The following CDC42BPG variants were observed in gnomAD, a reference collection of about 807,000 sequenced individuals.
The protein encoded by CDC42BPG is serine/threonine-protein kinase MRCK gamma.
In CDC42BPG, 157 loss-of-function variants were observed where a neutral mutation model predicts 192.2. The observed-to-expected ratio is 0.82, with a 90% CI of 0.72 to 0.93. The LOEUF is 0.93. CDC42BPG is among the 40% of genes least tolerant of loss of function. The probability of loss-of-function intolerance (pLI) is 0.00; values close to 1 mark genes in which losing one functional copy is unlikely to be tolerated. For synonymous variants in CDC42BPG, 981 were observed against 918.5 expected (o/e 1.07, Z -1.23); for missense variants, 1,992 against 2,122.1 (o/e 0.94, Z 1.20).
chr11:64,833,432 T>C, intron 23 of CDC42BPG, 96 bp from the exon 24 acceptor site: 1 of 957,704 alleles, frequency 1.0e-6, no homozygotes, highest in Non-Finnish European at 1.5e-6. Flanking sequence ...CAGGCAACAG[T>C]GACCTCCGAG....
At chr11:64,831,885 C>T (rs1942710671) in intron 27 of CDC42BPG, among the ~76,000 whole-genome samples, 164 bp from the exon 28 acceptor site, 1 of 152,252 alleles carries the variant, frequency 6.6e-6, no homozygotes, top group Non-Finnish European at 1.5e-5. Flanking sequence ...ATGCGACCAG[C>T]GCCATAATGG....
intron 31 of CDC42BPG, 32 bp downstream of exon 31, chr11:64,827,653 CG>C: frequency 6.2e-7 from 1 of 1,605,180 alleles, no homozygotes; most frequent in Non-Finnish European, 8.5e-7. Context: ...CCTCCACCCC[CG>C]GCGCTACCCC....
intron 9 of CDC42BPG, 69 bp from the exon 10 acceptor site, chr11:64,837,088 G>A: frequency 1.6e-6 from 2 of 1,277,118 alleles, no homozygotes; most frequent in Non-Finnish European, 1.1e-6. Flanking sequence ...CATCCTCCTG[G>A]ACCGAATCAC....
intron 30 of CDC42BPG, among the ~76,000 whole-genome samples, chr11:64,828,113 T>C (rs1317921620): frequency 6.6e-6 from 1 of 152,160 alleles, no homozygotes; most frequent in African/African-American, 2.4e-5. Flanking sequence ...ACTCAGCTGG[T>C]CCTGAGAGCT....
Position 64,827,027 on chromosome 11 carries a change from G to C in CDC42BPG, c.4389+23C>G, listed in dbSNP as rs769051055. 4 of 1,489,788 alleles carry C rather than the reference G, an allele frequency of 2.7e-6. No individual in the cohort carries two copies. The South Asian group carries it at 3.6e-5, about 13-fold the overall frequency. 92.3% of individuals were successfully genotyped at this position (1,489,788 alleles called of 1,614,324 possible). A position where few individuals can be genotyped will look rare whatever the true frequency, so the allele number is the denominator to read the frequency against. ...TGGCTCAGCCTCACCAAAGTGGCTT[G>C]TGATTGGCTCCAGAGGACTAACCGG... On this transcript the variant is annotated intron_variant, in intron 34 of 36. Coordinates refer to ENST00000342711, the MANE Select transcript of CDC42BPG (RefSeq NM_017525.3).
At position 64,832,811 on chromosome 11, in the gene CDC42BPG, T is replaced by A; in HGVS notation, c.2865+15A>T. 1 of 1,587,982 alleles carries A rather than the reference T, an allele frequency of 6.3e-7. No individual in the cohort carries two copies. The highest frequency in any genetic ancestry group is 8.6e-7 in the Non-Finnish European group (1 of 1,167,510). On this transcript the variant is annotated intron_variant, in intron 25 of 36. Coordinates refer to ENST00000342711, the MANE Select transcript of CDC42BPG (RefSeq NM_017525.3). ...CCCCCCATGCCCATCTTCCCCTCCC[T>A]CGGCCCCCACTCACCGACAGAAAGC...
At chr11:64,834,786 C>T (rs1942893260) in intron 18 of CDC42BPG, 63 bp downstream of exon 18, 1 of 1,495,188 alleles carries the variant, frequency 6.7e-7, no homozygotes, top group Non-Finnish European at 9.2e-7. Flanking sequence ...AGCAGGGATG[C>T]TGAGCTCACG....
Position 64,832,928 on chromosome 11 carries a change from G to A in CDC42BPG, c.2763C>T (p.Ala921=). ...ACGYFCHTTC[A]PQAPPCPVPP... is the part of the protein sequence containing the mutation. ...GCACGGGGCAGGGTGGGGCCTGTGG[G>A]GCACAGGTTGTGTGACAAAAGTAGC... Residue 921 remains alanine, a synonymous_variant, in exon 25 of 37, where the codon GCC becomes GCT. Coordinates refer to ENST00000342711, the MANE Select transcript of CDC42BPG (RefSeq NM_017525.3). 1.9e-6 allele frequency: 3 copies of A among 1,541,990 alleles called. No individual in the cohort carries two copies. Among genetic ancestry groups the A allele is most frequent in the Non-Finnish European group, 2.6e-6 (3 of 1,143,770 alleles).
Position 64,844,578 on chromosome 11 carries a change from C to A in CDC42BPG, c.-9G>T. The A allele has an allele frequency of 7.9e-7, 1 of 1,263,904 alleles. No homozygotes were observed. Among genetic ancestry groups the A allele is most frequent in the Non-Finnish European group, 9.9e-7 (1 of 1,005,076 alleles). 78.3% of individuals were successfully genotyped at this position (1,263,904 alleles called of 1,614,324 possible). A position where few individuals can be genotyped will look rare whatever the true frequency, so the allele number is the denominator to read the frequency against. ...CGCAGCCGCCGCTCCATGGCTGCGGCCGGAGCCTCGCTGCTCGGCTACAGT... is the reference window on the plus strand; with the variant it reads ...CGCAGCCGCCGCTCCATGGCTGCGGACGGAGCCTCGCTGCTCGGCTACAGT... On this transcript the variant is annotated 5_prime_UTR_variant, in exon 1 of 37. Transcript: ENST00000342711.
chr11:64,843,420 C>G (rs1943368119), intron 1 of CDC42BPG, among the ~76,000 whole-genome samples: 1 of 152,102 alleles, frequency 6.6e-6, no homozygotes. Flanking sequence ...GCAGGGGCCT[C>G]TGACTGCCTC....
intron 28 of CDC42BPG, among the ~76,000 whole-genome samples, 198 bp downstream of exon 28, chr11:64,831,307 T>C (rs1592693479): frequency 6.6e-6 from 1 of 151,160 alleles, no homozygotes; most frequent in Non-Finnish European, 1.5e-5. Context: ...CACAGCGAAA[T>C]GGAGTGGGGA....
Position 64,836,705 on chromosome 11 carries a change from C to CCGGGGGGGGGGGG in CDC42BPG, c.1384+33_1384+34insCCCCCCCCCCCCG. On this transcript the variant is annotated intron_variant, in intron 11 of 36. Coordinates refer to ENST00000342711, the MANE Select transcript of CDC42BPG (RefSeq NM_017525.3). Reference sequence around the variant, plus strand: ...ACCCGAGCCCAGGTGGGACTCAGCCCTGGGGGGGGGGGGGGGGTGGGCGGA... The same window carrying CCGGGGGGGGGGGG: ...ACCCGAGCCCAGGTGGGACTCAGCCCCGGGGGGGGGGGGTGGGGGGGGGGGGGGGGTGGGCGGA... 7.8e-4 allele frequency: 275 copies of CCGGGGGGGGGGGG among 352,386 alleles called. 65 individuals are homozygous for CCGGGGGGGGGGGG. Among genetic ancestry groups the CCGGGGGGGGGGGG allele is most frequent in the Admixed American group, 1.8e-3 (20 of 11,272 alleles). The allele number at this position is 352,386 out of a possible 1,614,324, so 21.8% of individuals were successfully genotyped here. A position where few individuals can be genotyped will look rare whatever the true frequency, so the allele number is the denominator to read the frequency against.
At position 64,824,482 on chromosome 11, in the gene CDC42BPG, G is replaced by C. The variant is rs909119758; in HGVS notation, c.4647C>G (p.Ser1549Arg). The change falls in exon 37 of 37, where the codon AGC becomes AGG. Residue 1549 changes from serine to arginine, a missense_variant. By Grantham distance (110) the Ser-to-Arg change is moderately radical. Around this residue, in one of 2 missense-constraint regions of CDC42BPG, gnomAD observed 336 missense variants for 277.9 expected, o/e 1.21. Transcript: ENST00000342711. Reference sequence around the variant, plus strand: ...GCCCTAACAGAGGGCATCAAGGAGAGCTCTCCAATTCAGGGGATAGGGGGA... The same window carrying C: ...GCCCTAACAGAGGGCATCAAGGAGACCTCTCCAATTCAGGGGATAGGGGGA... ...RSLPLSPELE[S>R]SP 1 of 1,602,404 alleles carries C rather than the reference G, an allele frequency of 6.2e-7. No individual in the cohort carries two copies. The highest frequency in any genetic ancestry group is 1.3e-5 in the African/African-American group (1 of 74,744).
chr11:64,838,216 C>G (rs772309725), intron 8 of CDC42BPG, 54 bp from the exon 9 acceptor site: 10 of 1,357,270 alleles, frequency 7.4e-6, no homozygotes, highest in Non-Finnish European at 9.1e-6. Flanking sequence ...GCCCGAGGCC[C>G]AAGGCCCAGG....
At position 64,825,601 on chromosome 11, in the gene CDC42BPG, C is replaced by T. The variant is rs966819156; in HGVS notation, c.4599+869G>A. Among the ~76,000 whole-genome samples the T allele has an allele frequency of 3.0e-4, 46 of 152,186 alleles. 1 individual carries two copies. Among genetic ancestry groups the T allele is most frequent in the South Asian group, 6.2e-4 (3 of 4,830 alleles). ...GAAGAACATGGCAAGCCCCAGGGCT[C>T]CAAGTGGCCTGGTGTGACGGGAGTG... On this transcript the variant is annotated intron_variant, in intron 36 of 36. Coordinates refer to ENST00000342711, the MANE Select transcript of CDC42BPG (RefSeq NM_017525.3).
intron 24 of CDC42BPG, 37 bp from the exon 25 acceptor site, chr11:64,832,996 TG>T: frequency 6.7e-7 from 1 of 1,499,868 alleles, no homozygotes; most frequent in Non-Finnish European, 8.9e-7. Context: ...GAGGTGAGGC[TG>T]GGAGGGGACA....
intron 9 of CDC42BPG, 137 bp from the exon 10 acceptor site, chr11:64,837,156 C>T (rs1315980387): frequency 4.1e-6 from 3 of 732,672 alleles, no homozygotes; most frequent in Non-Finnish European, 7.0e-6. Context: ...CAGACTGGTG[C>T]CACGGGTGGC....
chr11:64,827,551 T>G lies in CDC42BPG; in HGVS notation c.4126A>C (p.Thr1376Pro), dbSNP rs1592683598. ...FLYGTEKVRLTYLRNQLAEKD... is the reference protein window; with the variant it reads ...FLYGTEKVRLPYLRNQLAEKD... Reference sequence around the variant, plus strand: ...CCTGCCAGCTGGTTCCTGAGGTAGGTCAGGCGGACCTTCTCGGTGCCGTAG... The same window carrying G: ...CCTGCCAGCTGGTTCCTGAGGTAGGGCAGGCGGACCTTCTCGGTGCCGTAG... Residue 1376 changes from threonine (T) to proline (P), a missense_variant, in exon 32 of 37, where the codon ACC becomes CCC. Physicochemically the swap from Thr to Pro is conservative, Grantham distance 38. Transcript: ENST00000342711. The G allele has an allele frequency of 6.2e-7, 1 of 1,612,440 alleles. No homozygotes were observed.
Position 64,844,433 on chromosome 11 carries a change from C to G in CDC42BPG, c.137G>C (p.Ser46Thr). 5 of 1,458,834 alleles carry G rather than the reference C, an allele frequency of 3.4e-6. No individual in the cohort carries two copies. The South Asian group carries it at 6.6e-5, about 19-fold the overall frequency. 90.4% of individuals were successfully genotyped at this position (1,458,834 alleles called of 1,614,324 possible). A position where few individuals can be genotyped will look rare whatever the true frequency, so the allele number is the denominator to read the frequency against. Residue 46 changes from serine to threonine, a missense_variant, in exon 1 of 37, where the codon AGC (serine) becomes ACC (threonine). This residue lies in a region of CDC42BPG where 1,656 missense variants were observed against 1,844.3 expected (regional missense o/e 0.90). Coordinates refer to ENST00000342711, the MANE Select transcript of CDC42BPG (RefSeq NM_017525.3). The stretch of plus-strand genomic sequence containing the variant: ...ACCCCAGCTCAGGAACTGCGCCACG[C>G]TGCGCTCCCGCCGTAGGGGGCCGCT... Reference protein sequence around the residue: ...LSSGPLRRERSVAQFLSWASP... With the variant: ...LSSGPLRRERTVAQFLSWASP...
Sources: gnomAD v4.1 joint callset for allele counts (sites outside exome capture counted in the v4.1 genomes callset) on GRCh38, gnomAD v4.1.1 for gene constraint, gnomAD v4.1.1 regional missense constraint, MANE v1.5 for transcripts, NCBI Gene and HGNC (gene_info 2026-07-23, HGNC 2026-07-21) for gene names.